DIAPH3: variants seen among roughly 807,000 people sequenced by gnomAD.
DIAPH3 encodes the protein protein diaphanous homolog 3.
A neutral mutation model predicts 144.3 loss-of-function variants in DIAPH3; 117 were observed. The ratio of observed to expected loss-of-function variants is 0.81; its 90% confidence interval spans 0.70 to 0.95. The LOEUF is 0.95. DIAPH3 is among the 40% of genes least tolerant of loss of function. The pLI is 0.00. For missense variants in DIAPH3, 1,421 were observed against 1,412.7 expected, an observed-to-expected ratio of 1.01 and a Z score of -0.09; for synonymous variants, 519 against 488.9, an observed-to-expected ratio of 1.06 and a Z score of -0.81.
At chr13:59,690,944 C>T (rs1454854816) in intron 27 of DIAPH3, among the ~76,000 whole-genome samples, 2 of 152,022 alleles carry the variant, frequency 1.3e-5, no homozygotes, top group Non-Finnish European at 2.9e-5. Context: ...AAAAATACTG[C>T]AGAAGCAAAG....
At chr13:59,668,041 A>C (rs1282818330) in intron 27 of DIAPH3, among the ~76,000 whole-genome samples, 1 of 152,242 alleles carries the variant, frequency 6.6e-6, no homozygotes, top group Non-Finnish European at 1.5e-5. Context: ...TTTTAGAAGT[A>C]TGATCACCTT....
chr13:60,016,100 GT>G lies in DIAPH3; in HGVS notation c.671del (p.Asp224AlafsTer6). On this transcript the variant is annotated frameshift_variant, in exon 6 of 28. Coordinates refer to ENST00000400324, the MANE Select transcript of DIAPH3 (RefSeq NM_001042517.2). LOFTEE classifies it high-confidence loss of function. ...TTCCACTAATCAGTTTTTCCAAAAT[GT>G]CTAATAATAATCCAAGCCCTTCATG... ...FGHEGLGLLL[D>X]ILEKLISGKI... 1 of 1,613,644 alleles carries G rather than the reference GT, an allele frequency of 6.2e-7. No homozygotes were observed. The highest frequency in any genetic ancestry group is 8.5e-7 in the Non-Finnish European group (1 of 1,179,796).
intron 1 of DIAPH3, among the ~76,000 whole-genome samples, chr13:60,160,587 C>G (rs1439589360): frequency 6.6e-6 from 1 of 152,194 alleles, no homozygotes; most frequent in African/African-American, 2.4e-5. Flanking sequence ...GGATATAGGA[C>G]TCAGGTCCAG....
intron 25 of DIAPH3, among the ~76,000 whole-genome samples, chr13:59,798,471 A>G (rs1024958478): frequency 5.3e-5 from 8 of 152,218 alleles, no homozygotes; most frequent in African/African-American, 1.9e-4. Context: ...TATAAATGTC[A>G]CACCTCTGTA....
At position 59,916,281 on chromosome 13, in the gene DIAPH3, T is replaced by G. The variant is rs200607026; in HGVS notation, c.2171-32A>C. On this transcript the variant is annotated intron_variant, in intron 18 of 27. Coordinates refer to ENST00000400324, the MANE Select transcript of DIAPH3 (RefSeq NM_001042517.2). ...AGGAGAAAGAGAGAAAGGTTTATAA[T>G]GAATAAGGTTTAAAAAAGTATTTCA... The G allele has an allele frequency of 5.6e-5, 86 of 1,531,584 alleles. No homozygotes were observed. In the African/African-American group the frequency reaches 1.0e-3, roughly 18 times the overall value. 94.9% of individuals were successfully genotyped at this position (1,531,584 alleles called of 1,614,324 possible).
intron 9 of DIAPH3, among the ~76,000 whole-genome samples, chr13:59,996,567 C>T (rs1172322786): frequency 6.6e-6 from 1 of 151,978 alleles, no homozygotes; most frequent in East Asian, 1.9e-4. Context: ...CAAGGACTGA[C>T]ATCAGCAAAC....
chr13:59,752,479 C>G (rs151320940), intron 27 of DIAPH3, among the ~76,000 whole-genome samples: 241 of 152,008 alleles, frequency 1.6e-3, no homozygotes, highest in African/African-American at 5.2e-3. Flanking sequence ...GCAATCCTCC[C>G]ATCTCAGCCT....
At chr13:59,765,420 C>T (rs2037820425) in intron 27 of DIAPH3, among the ~76,000 whole-genome samples, 2 of 152,232 alleles carry the variant, frequency 1.3e-5, no homozygotes, top group South Asian at 4.2e-4. Context: ...ATCTGGGCAC[C>T]TTCATACACT....
intron 27 of DIAPH3, among the ~76,000 whole-genome samples, chr13:59,729,817 T>G (rs1049908283): frequency 2.1e-5 from 3 of 145,394 alleles, no homozygotes; most frequent in Non-Finnish European, 4.5e-5. Flanking sequence ...AATATTTTTT[T>G]TTTTTTTTTT....
At chr13:59,843,295 C>T (rs2042443549) in intron 22 of DIAPH3, among the ~76,000 whole-genome samples, 1 of 152,180 alleles carries the variant, frequency 6.6e-6, no homozygotes, top group Non-Finnish European at 1.5e-5. Context: ...AAGAGAAGCA[C>T]ATTTTTGGCT....
intron 18 of DIAPH3, among the ~76,000 whole-genome samples, chr13:59,920,437 G>A (rs1411669069): frequency 6.6e-6 from 1 of 151,580 alleles, no homozygotes; most frequent in Non-Finnish European, 1.5e-5. Flanking sequence ...ACCAAAAACT[G>A]TAAAAGGAGA....
chr13:59,743,199 T>C (rs1237657557), intron 27 of DIAPH3, among the ~76,000 whole-genome samples: 2 of 152,146 alleles, frequency 1.3e-5, no homozygotes, highest in Non-Finnish European at 2.9e-5. Flanking sequence ...AGGAATGAAA[T>C]GGACAGGAGG....
intron 15 of DIAPH3, 25 bp from the exon 16 acceptor site, chr13:59,971,185 A>T (rs754257756): frequency 1.3e-6 from 2 of 1,550,590 alleles, no homozygotes; most frequent in East Asian, 4.9e-5. Flanking sequence ...AATAAGAGAC[A>T]TAACTAAGAA....
intron 27 of DIAPH3, among the ~76,000 whole-genome samples, chr13:59,737,066 C>A (rs770396313): frequency 6.6e-6 from 1 of 152,106 alleles, no homozygotes; most frequent in Non-Finnish European, 1.5e-5. Context: ...ACAACCTAGG[C>A]AATACCATTC....
intron 4 of DIAPH3, among the ~76,000 whole-genome samples, chr13:60,044,740 T>C (rs1383015377): frequency 6.6e-6 from 1 of 152,192 alleles, no homozygotes. Flanking sequence ...ATATATGATA[T>C]GGTTTGGCTG....
At chr13:59,960,525 C>CCAAGGAGAA (rs2049693007) in intron 17 of DIAPH3, among the ~76,000 whole-genome samples, 1 of 152,088 alleles carries the variant, frequency 6.6e-6, no homozygotes, top group South Asian at 2.1e-4. Context: ...AGAATTTAGC[C>CCAAGGAGAA]ATACGCTTTA....
At chr13:59,695,693 A>G (rs1476557651) in intron 27 of DIAPH3, among the ~76,000 whole-genome samples, 1 of 152,228 alleles carries the variant, frequency 6.6e-6, no homozygotes, top group African/African-American at 2.4e-5. Context: ...ACTGAAATGT[A>G]CACTTTACCC....
chr13:59,896,202 C>A (rs74394119), intron 20 of DIAPH3, among the ~76,000 whole-genome samples: 2 of 152,230 alleles, frequency 1.3e-5, no homozygotes, highest in East Asian at 1.9e-4. Context: ...GTTCTTATAA[C>A]CCTGAGGAGC....
rs141736927 is a variant in DIAPH3, at chr13:59,924,364, T to C, written c.2170+411A>G. On this transcript the variant is annotated intron_variant, in intron 18 of 27. Transcript: ENST00000400324. The stretch of plus-strand genomic sequence containing the variant: ...ACCATCCTTATTTCCGTTAATATTA[T>C]AACCTCCTTTATGTGTGATCAAGTA... Among the ~76,000 whole-genome samples the C allele has an allele frequency of 1.9e-3, 288 of 152,268 alleles. 2 individuals are homozygous for C. Among genetic ancestry groups the C allele is most frequent in the East Asian group, 1.5e-3 (8 of 5,186 alleles).
Sources: gnomAD v4.1 joint callset for allele counts (sites outside exome capture counted in the v4.1 genomes callset) on GRCh38, gnomAD v4.1.1 for gene constraint, MANE v1.5 for transcripts, NCBI Gene and HGNC (gene_info 2026-07-23, HGNC 2026-07-21) for gene names.